Variants in NUP155 observed in about 807,000 individuals in gnomAD.
NUP155 encodes nucleoporin 155, also known as nuclear pore complex protein Nup155.
NUP155 carries 71 observed loss-of-function variants against 180.4 expected under a neutral mutation model. The ratio of observed to expected loss-of-function variants is 0.39; its 90% CI spans 0.33 to 0.48. The LOEUF is 0.48. Ranked by LOEUF, NUP155 falls within the 20% of genes least tolerant of loss-of-function variation. NUP155 has a pLI of 0.91. For synonymous variants in NUP155, 582 were observed against 559.5 expected, an observed-to-expected ratio of 1.04 and a Z score of -0.57; for missense variants, 1,553 against 1,648.9, an observed-to-expected ratio of 0.94 and a Z score of 1.01.
At chr5:37,333,121 G>A (rs775875729) in intron 13 of NUP155, among the ~76,000 whole-genome samples, 4 of 152,106 alleles carry the variant, frequency 2.6e-5, no homozygotes, top group Non-Finnish European at 5.9e-5. Context: ...TTGGGAGGCC[G>A]AGGCAGGCGG....
chr5:37,329,941 T>A, intron 15 of NUP155, 97 bp downstream of exon 15: 1 of 860,738 alleles, frequency 1.2e-6, no homozygotes, highest in Non-Finnish European at 1.9e-6. Context: ...ACATAGTCAC[T>A]CAACTGTTTG....
chr5:37,330,200 A>G, intron 14 of NUP155, 68 bp from the exon 15 acceptor site: 1 of 1,060,896 alleles, frequency 9.4e-7, no homozygotes, highest in Non-Finnish European at 1.4e-6. Flanking sequence ...GTACTGCTAG[A>G]TGCAGTATTA....
Position 37,303,298 on chromosome 5 carries a change from A to T in NUP155, c.3279T>A (p.Asn1093Lys). 4.3e-6 allele frequency: 7 copies of T among 1,614,180 alleles called. No individual in the cohort carries two copies. Among genetic ancestry groups the T allele is most frequent in the Non-Finnish European group, 5.9e-6 (7 of 1,180,010 alleles). Residue 1093 changes from asparagine to lysine, a missense_variant, in exon 28 of 35, where the codon AAT (asparagine) becomes AAA (lysine). Asn to Lys is a moderately conservative substitution (Grantham distance 94). Transcript: ENST00000231498. Reference sequence around the variant, plus strand: ...CCAGTCTGGACAGTACACGAGCAGCATTACTGAAACTTCTGTTCTTCTCGT... The same window carrying T: ...CCAGTCTGGACAGTACACGAGCAGCTTTACTGAAACTTCTGTTCTTCTCGT... ...RYYEKNRSFS[N>K]AARVLSRLAD...
At chr5:37,294,248 C>T in intron 33 of NUP155, 81 bp downstream of exon 33, 2 of 967,066 alleles carry the variant, frequency 2.1e-6, no homozygotes, top group East Asian at 2.7e-5. Flanking sequence ...TACAAAAATG[C>T]AATCAAAATA....
chr5:37,352,637 C>A, intron 5 of NUP155, 100 bp downstream of exon 5: 1 of 760,600 alleles, frequency 1.3e-6, no homozygotes, highest in Non-Finnish European at 2.3e-6. Context: ...TAATGTGAGT[C>A]AATGGAATTC....
At position 37,351,191 on chromosome 5, in the gene NUP155, T is replaced by C. The variant is rs1746433971; in HGVS notation, c.722A>G (p.Gln241Arg). Reference protein sequence around the residue: ...KDGCLYEVAYQAEAGWFSQRC... With the variant: ...KDGCLYEVAYRAEAGWFSQRC... ...AACGTTTACAAATGTCAGACTTACC[T>C]GGTAGGCTACTTCATATAAACAGCC... is the stretch of plus-strand genomic sequence containing the variant. Residue 241 changes from glutamine to arginine, a missense_variant and splice_region_variant, in exon 6 of 35, where the codon CAG becomes CGG. By Grantham distance (43) the Gln-to-Arg change is conservative. Transcript: ENST00000231498. 1 of 1,613,262 alleles carries C rather than the reference T, an allele frequency of 6.2e-7. No homozygotes were observed. The highest frequency in any genetic ancestry group is 8.5e-7 in the Non-Finnish European group (1 of 1,179,500).
intron 1 of NUP155, among the ~76,000 whole-genome samples, chr5:37,365,586 T>C (rs1446259493): frequency 6.6e-6 from 1 of 151,004 alleles, no homozygotes; most frequent in Non-Finnish European, 1.5e-5. Context: ...CAAGCACCTA[T>C]AATCCCAGCT....
chr5:37,328,383 T>G lies in NUP155; in HGVS notation c.1851A>C (p.Pro617=), dbSNP rs537181460. The change falls in exon 17 of 35, where the codon CCA becomes CCC. Residue 617 remains proline, a synonymous_variant. Coordinates refer to ENST00000231498, the MANE Select transcript of NUP155 (RefSeq NM_153485.3). ...PVPSGSPYPN[P]SFLGTPSHGI... is the part of the protein sequence containing the mutation. The stretch of plus-strand genomic sequence containing the variant: ...CATGAGACGGTGTTCCCAAAAAGGA[T>G]GGATTTGGATAGGGACTACCACTAG... 31 of 1,609,726 alleles carry G rather than the reference T, an allele frequency of 1.9e-5. No homozygotes were observed. The African/African-American group carries it at 3.7e-4, about 19-fold the overall frequency.
chr5:37,318,666 T>C (rs780324624), intron 20 of NUP155, among the ~76,000 whole-genome samples: 4 of 152,120 alleles, frequency 2.6e-5, no homozygotes, highest in Admixed American at 1.3e-4. Flanking sequence ...ACACTTCTGG[T>C]TCCAAACAGT....
chr5:37,299,719 G>C (rs1180418965), intron 30 of NUP155, 151 bp from the exon 31 acceptor site: 3 of 826,880 alleles, frequency 3.6e-6, no homozygotes, highest in Non-Finnish European at 5.8e-6. Context: ...TATGTAGCTG[G>C]TTATAACTCC....
chr5:37,350,957 T>C (rs562334621), intron 6 of NUP155, among the ~76,000 whole-genome samples: 94 of 152,206 alleles, frequency 6.2e-4, no homozygotes, highest in African/African-American at 1.9e-3. Context: ...TATAGAGACA[T>C]TGATGTGTGC....
chr5:37,331,910 A>G, intron 13 of NUP155, 115 bp from the exon 14 acceptor site: 1 of 722,722 alleles, frequency 1.4e-6, no homozygotes, highest in Non-Finnish European at 2.4e-6. Flanking sequence ...CCATTCAACA[A>G]TACAAAGTAG....
At chr5:37,304,216 C>T (rs900345483) in intron 27 of NUP155, among the ~76,000 whole-genome samples, 11 of 132,074 alleles carry the variant, frequency 8.3e-5, no homozygotes, top group African/African-American at 3.0e-4. Flanking sequence ...TGCCACTGCA[C>T]TCCAGCCTGG....
At chr5:37,313,964 AAT>A (rs148893219) in intron 22 of NUP155, among the ~76,000 whole-genome samples, 1,943 of 152,308 alleles carry the variant, frequency 0.013, 40 homozygotes, top group African/African-American at 0.045. Context: ...TGTTTTAAAA[AAT>A]ATGTTTTGTA....
intron 21 of NUP155, among the ~76,000 whole-genome samples, chr5:37,316,897 T>C (rs900233881): frequency 6.6e-6 from 1 of 151,058 alleles, no homozygotes; most frequent in African/African-American, 2.4e-5. Flanking sequence ...GCGCAGTGGC[T>C]CTTGCCTGTA....
chr5:37,360,786 A>AGGGG (rs751344090), intron 3 of NUP155, among the ~76,000 whole-genome samples: 5 of 131,702 alleles, frequency 3.8e-5, no homozygotes, highest in African/African-American at 1.4e-4. Context: ...ATAAAAAAAA[A>AGGGG]GGGGGGGGGG....
chr5:37,339,307 C>CAAAA (rs1283751834), intron 11 of NUP155, among the ~76,000 whole-genome samples: 22 of 63,290 alleles, frequency 3.5e-4, no homozygotes, highest in African/African-American at 1.0e-3. Flanking sequence ...GACACTGTCT[C>CAAAA]AAAAAAAAAA....
In NUP155 at chr5:37,317,752, A is replaced by G. The variant is rs1414977531; in HGVS notation, c.2305+236T>C. ...ACCCAGGCTGGAGTGCAGTGGCATG[A>G]TCTCAGCTCACTGCAACCTCTGCCT... On this transcript the variant is annotated intron_variant, in intron 21 of 34. Transcript: ENST00000231498. 3.5e-5 allele frequency among the ~76,000 whole-genome samples: 5 copies of G among 143,502 alleles called. No individual in the cohort carries two copies. In the East Asian group the frequency reaches 1.1e-3, roughly 30 times the overall value. The allele number at this position is 143,502 out of a possible 152,430, so 94.1% of individuals were successfully genotyped here.
chr5:37,367,135 T>C (rs217847), intron 1 of NUP155, among the ~76,000 whole-genome samples: 72,208 of 151,668 alleles, frequency 0.48, 20,674 homozygotes, highest in Non-Finnish European at 0.63. Context: ...AACCTCAGCC[T>C]CTTGGGCTCA....
Sources: gnomAD v4.1 joint callset for allele counts (sites outside exome capture counted in the v4.1 genomes callset) on GRCh38, gnomAD v4.1.1 for gene constraint, MANE v1.5 for transcripts, NCBI Gene and HGNC (gene_info 2026-07-23, HGNC 2026-07-21) for gene names.